Variants in EPRS1 observed in about 807,000 individuals in gnomAD.
EPRS1 encodes bifunctional glutamate/proline--tRNA ligase.
EPRS1 carries 107 observed loss-of-function variants against 188.3 expected under a neutral mutation model. The ratio of observed to expected loss-of-function variants is 0.57; its 90% CI spans 0.49 to 0.67. The LOEUF (loss-of-function observed/expected upper bound fraction) is 0.67, where lower values mean the gene tolerates loss of function less well. EPRS1 is among the 30% of genes least tolerant of loss of function. The probability of loss-of-function intolerance (pLI) is 0.00; values close to 1 mark genes in which losing one functional copy is unlikely to be tolerated. For synonymous variants in EPRS1, 596 were observed against 593.1 expected (o/e 1.00, Z -0.07); for missense variants, 1,577 against 1,802.2 (o/e 0.88, Z 2.26).
chr1:220,033,720 C>T (rs1662126675), intron 3 of EPRS1, 62 bp from the exon 4 acceptor site: 7 of 1,319,204 alleles, frequency 5.3e-6, no homozygotes, highest in Non-Finnish European at 7.5e-6. Flanking sequence ...AAAAGAAAGA[C>T]CATAAAAAAA....
At position 220,035,599 on chromosome 1, in the gene EPRS1, C is replaced by A. The variant is rs1019448992; in HGVS notation, c.132-586G>T. On this transcript the variant is annotated intron_variant, in intron 2 of 31. Transcript: ENST00000366923. ...ATCCCAGTACTTTGGGAGGCCAAGA[C>A]GGGCAGATCACTTGAGGTCAGGAGT... Among the ~76,000 whole-genome samples, 26 of 152,162 alleles carry A rather than the reference C, an allele frequency of 1.7e-4. No individual in the cohort carries two copies. The East Asian group carries it at 4.7e-3, about 27-fold the overall frequency.
intron 20 of EPRS1, among the ~76,000 whole-genome samples, chr1:219,986,594 C>T (rs1187681903): frequency 6.6e-6 from 1 of 152,028 alleles, no homozygotes; most frequent in East Asian, 1.9e-4. Context: ...CTTAAAGAGC[C>T]CTCTATCCAA....
At chr1:220,044,897 T>C (rs1328941252) in intron 1 of EPRS1, among the ~76,000 whole-genome samples, 1 of 152,088 alleles carries the variant, frequency 6.6e-6, no homozygotes, top group Non-Finnish European at 1.5e-5. Flanking sequence ...ACCAAATGTC[T>C]TTGCTCTCAA....
Position 219,979,614 on chromosome 1 carries a change from C to T in EPRS1, c.3713G>A (p.Gly1238Glu). The change falls in exon 27 of 32, where the codon GGA becomes GAA. Residue 1238 changes from glycine (G) to glutamate (E), a missense_variant and splice_region_variant. This residue lies in a region of EPRS1 where 3 missense variants were observed against 16.9 expected (regional missense o/e 0.18). Coordinates refer to ENST00000366923, the MANE Select transcript of EPRS1 (RefSeq NM_004446.3). ...FISASGRAIQ[G>E]GTSHHLGQNF... ...CTGCCCTAAATGATGTGATGTTCCT[C>T]CCTAAAATAGAGAGAGAAAAATAAG... 1 of 1,605,602 alleles carries T rather than the reference C, an allele frequency of 6.2e-7. No homozygotes were observed. The highest frequency in any genetic ancestry group is 1.1e-5 in the South Asian group (1 of 90,826).
At chr1:219,986,810 T>A (rs2789795) in intron 20 of EPRS1, among the ~76,000 whole-genome samples, 91,304 of 151,622 alleles carry the variant, frequency 0.6, 28,544 homozygotes, top group Non-Finnish European at 0.7. Context: ...TGTGTGTATC[T>A]GTATTTACTT....
intron 12 of EPRS1, among the ~76,000 whole-genome samples, chr1:220,015,677 AAC>A (rs1421736962): frequency 6.6e-6 from 1 of 152,094 alleles, no homozygotes; most frequent in African/African-American, 2.4e-5. Context: ...TCAGACTAAA[AAC>A]ACAGGTCAGA....
chr1:220,020,827 TATATATATATATATATATATATATATA>T (rs1661860537), intron 9 of EPRS1, among the ~76,000 whole-genome samples: 1 of 2,360 alleles, frequency 4.2e-4, no homozygotes, highest in African/African-American at 1.1e-3. Flanking sequence ...TTTGAATTTA[TATATATATATATATATATATATATATA>T]TATATATATA....
At chr1:219,981,049 C>A (rs1435521132) in intron 24 of EPRS1, among the ~76,000 whole-genome samples, 192 bp from the exon 25 acceptor site, 1 of 151,958 alleles carries the variant, frequency 6.6e-6, no homozygotes, top group African/African-American at 2.4e-5. Flanking sequence ...CAGGTGCACG[C>A]CAATGCAGCT....
intron 22 of EPRS1, 101 bp from the exon 23 acceptor site, chr1:219,982,945 C>A: frequency 9.4e-7 from 1 of 1,065,570 alleles, no homozygotes; most frequent in Non-Finnish European, 1.4e-6. Context: ...TTTGCTATAT[C>A]AATTTAGGCA....
intron 18 of EPRS1, among the ~76,000 whole-genome samples, chr1:219,996,211 G>C (rs1333453961): frequency 6.6e-6 from 1 of 152,094 alleles, no homozygotes; most frequent in Non-Finnish European, 1.5e-5. Context: ...TAAATGTTTT[G>C]CCTAAGGACA....
At chr1:220,025,285 A>G in intron 6 of EPRS1, 27 bp from the exon 7 acceptor site, 9 of 1,555,932 alleles carry the variant, frequency 5.8e-6, no homozygotes, top group Non-Finnish European at 7.8e-6. Context: ...TCACAAAGAA[A>G]CTCATTAACA....
intron 18 of EPRS1, among the ~76,000 whole-genome samples, chr1:219,995,506 G>A (rs1661213638): frequency 6.6e-6 from 1 of 152,162 alleles, no homozygotes; most frequent in Non-Finnish European, 1.5e-5. Context: ...TCCCCATGAG[G>A]TAAGAAACAT....
rs769216968 is a variant in EPRS1, at chr1:220,032,532, AG to A, written c.389-7del. ...TTCTTGCCAGGCAGCATTTCCTATG[AG>A]CAAAGATAATTTTAAACTATTCAAT... On this transcript the variant is annotated splice_region_variant and splice_polypyrimidine_tract_variant and intron_variant, in intron 4 of 31. Coordinates refer to ENST00000366923, the MANE Select transcript of EPRS1 (RefSeq NM_004446.3). The A allele has an allele frequency of 1.2e-6, 2 of 1,612,546 alleles. No homozygotes were observed. The highest frequency in any genetic ancestry group is 1.7e-6 in the Non-Finnish European group (2 of 1,179,554).
At chr1:219,972,330 T>A (rs1660683800) in intron 29 of EPRS1, among the ~76,000 whole-genome samples, 183 bp from the exon 30 acceptor site, 1 of 152,162 alleles carries the variant, frequency 6.6e-6, no homozygotes, top group African/African-American at 2.4e-5. Context: ...ATTGCACTAT[T>A]GTGAGCCTTA....
chr1:219,977,474 T>A (rs1310065719), intron 28 of EPRS1, among the ~76,000 whole-genome samples: 1 of 152,172 alleles, frequency 6.6e-6, no homozygotes, highest in African/African-American at 2.4e-5. Flanking sequence ...CGTGGATGGT[T>A]TTTTCTTTTT....
chr1:220,035,104 T>G, intron 2 of EPRS1, 91 bp from the exon 3 acceptor site: 1 of 653,284 alleles, frequency 1.5e-6, no homozygotes, highest in South Asian at 1.9e-5. Flanking sequence ...ATGGAAACTT[T>G]ATTATATTTA....
At chr1:219,980,885 C>T in intron 24 of EPRS1, 28 bp from the exon 25 acceptor site, 1 of 1,509,238 alleles carries the variant, frequency 6.6e-7, no homozygotes, top group Non-Finnish European at 9.1e-7. Context: ...ACAATTTAGT[C>T]ATTATAAAGA....
At chr1:220,034,419 T>C (rs1662139132) in intron 3 of EPRS1, among the ~76,000 whole-genome samples, 1 of 152,162 alleles carries the variant, frequency 6.6e-6, no homozygotes, top group South Asian at 2.1e-4. Context: ...TAATAACACA[T>C]TTCTCAGAAC....
At chr1:220,036,382 G>A (rs1383416396) in intron 2 of EPRS1, among the ~76,000 whole-genome samples, 1 of 151,980 alleles carries the variant, frequency 6.6e-6, no homozygotes, top group African/African-American at 2.4e-5. Flanking sequence ...CACATGCATG[G>A]AAATGTTCAC....
Sources: gnomAD v4.1 joint callset for allele counts (sites outside exome capture counted in the v4.1 genomes callset) on GRCh38, gnomAD v4.1.1 for gene constraint, gnomAD v4.1.1 regional missense constraint, MANE v1.5 for transcripts, NCBI Gene and HGNC (gene_info 2026-07-23, HGNC 2026-07-21) for gene names.